The following PPP3CA variants were observed in gnomAD, a reference collection of about 807,000 sequenced individuals.
PPP3CA encodes CAM-PRP catalytic subunit.
A neutral mutation model predicts 66.5 loss-of-function variants in PPP3CA; 14 were observed. That is an observed-to-expected ratio of 0.21 (90% confidence interval 0.14 to 0.33). PPP3CA has a LOEUF of 0.33. Ranked by LOEUF, PPP3CA falls within the 10% of genes least tolerant of loss-of-function variation. The probability of loss-of-function intolerance (pLI) is 1.00; values close to 1 mark genes in which losing one functional copy is unlikely to be tolerated. For synonymous variants in PPP3CA, 232 were observed against 226.2 expected, an observed-to-expected ratio of 1.03 and a Z score of -0.23; for missense variants, 317 against 639.5, an observed-to-expected ratio of 0.50 and a Z score of 5.44.
intron 2 of PPP3CA, among the ~76,000 whole-genome samples, chr4:101,149,729 A>G (rs996893872): frequency 1.3e-5 from 2 of 152,180 alleles, no homozygotes; most frequent in African/African-American, 2.4e-5. Context: ...TTGTTAAATT[A>G]TAATTTAGAC....
chr4:101,331,926 G>C (rs1346994161), intron 1 of PPP3CA, among the ~76,000 whole-genome samples: 1 of 152,134 alleles, frequency 6.6e-6, no homozygotes, highest in Non-Finnish European at 1.5e-5. Context: ...CCACCAAGTA[G>C]GTATCGGCAT....
intron 1 of PPP3CA, among the ~76,000 whole-genome samples, chr4:101,257,988 A>T (rs1176183482): frequency 1.3e-5 from 2 of 152,090 alleles, no homozygotes; most frequent in East Asian, 3.9e-4. Context: ...AACGTAAAAA[A>T]ATTCCCTGAA....
intron 11 of PPP3CA, among the ~76,000 whole-genome samples, chr4:101,033,554 G>T (rs887323912): frequency 1.3e-5 from 2 of 151,970 alleles, no homozygotes; most frequent in Non-Finnish European, 2.9e-5. Context: ...AAAAATTGAG[G>T]GCTCTACTCT....
At chr4:101,077,535 A>AAT (rs1379331460) in intron 8 of PPP3CA, among the ~76,000 whole-genome samples, 1 of 152,204 alleles carries the variant, frequency 6.6e-6, no homozygotes, top group Non-Finnish European at 1.5e-5. Flanking sequence ...TTTAGCAGTG[A>AAT]ATAATTGACT....
At chr4:101,043,272 A>G (rs1459089125) in intron 10 of PPP3CA, among the ~76,000 whole-genome samples, 2 of 152,148 alleles carry the variant, frequency 1.3e-5, no homozygotes, top group African/African-American at 2.4e-5. Flanking sequence ...TGTAAAAATC[A>G]TAACTACAGC....
intron 1 of PPP3CA, among the ~76,000 whole-genome samples, chr4:101,198,990 G>A (rs1289037455): frequency 2.0e-5 from 3 of 152,126 alleles, no homozygotes; most frequent in Non-Finnish European, 4.4e-5. Flanking sequence ...TTAAACAGAT[G>A]GCAAAGCCTG....
intron 1 of PPP3CA, among the ~76,000 whole-genome samples, chr4:101,203,270 G>A (rs1192031347): frequency 6.6e-6 from 1 of 152,162 alleles, no homozygotes; most frequent in Non-Finnish European, 1.5e-5. Flanking sequence ...GCCGAGGTGG[G>A]CGGATCACGA....
chr4:101,070,776 C>T (rs1390674011), intron 8 of PPP3CA, among the ~76,000 whole-genome samples: 1 of 152,098 alleles, frequency 6.6e-6, no homozygotes, highest in South Asian at 2.1e-4. Flanking sequence ...ATGTGTTATA[C>T]CTACATACTA....
chr4:101,183,103 C>A (rs1434122990), intron 2 of PPP3CA, among the ~76,000 whole-genome samples: 3 of 152,104 alleles, frequency 2.0e-5, no homozygotes, highest in Non-Finnish European at 4.4e-5. Flanking sequence ...CCAGCTATAA[C>A]AATAGCTTAA....
chr4:101,306,823 A>AT (rs548946985), intron 1 of PPP3CA, among the ~76,000 whole-genome samples: 71 of 151,570 alleles, frequency 4.7e-4, no homozygotes, highest in Middle Eastern at 3.4e-3. Flanking sequence ...GTATACTCTG[A>AT]TTTTTTTTTG....
chr4:101,044,645 C>T (rs1578399517), intron 10 of PPP3CA, among the ~76,000 whole-genome samples: 1 of 151,970 alleles, frequency 6.6e-6, no homozygotes, highest in African/African-American at 2.4e-5. Context: ...TTTGGCCTCT[C>T]CTTTCACCTT....
intron 11 of PPP3CA, among the ~76,000 whole-genome samples, chr4:101,039,724 T>C (rs771508500): frequency 1.4e-5 from 2 of 143,640 alleles, no homozygotes; most frequent in Non-Finnish European, 1.6e-5. Context: ...TGAGAAAGAG[T>C]TGGGGCAAAA....
chr4:101,214,805 T>C (rs771368465), intron 1 of PPP3CA, among the ~76,000 whole-genome samples: 4 of 152,086 alleles, frequency 2.6e-5, no homozygotes, highest in Non-Finnish European at 2.9e-5. Flanking sequence ...GTTATGAAAG[T>C]CTTATTTTGA....
chr4:101,042,410 C>T (rs779635984), intron 10 of PPP3CA, among the ~76,000 whole-genome samples: 1 of 152,116 alleles, frequency 6.6e-6, no homozygotes, highest in Non-Finnish European at 1.5e-5. Flanking sequence ...GGCAACTATG[C>T]CATGGCAGGC....
intron 6 of PPP3CA, among the ~76,000 whole-genome samples, chr4:101,089,834 T>A (rs1239428298): frequency 6.6e-6 from 1 of 152,220 alleles, no homozygotes; most frequent in South Asian, 2.1e-4. Flanking sequence ...ATCTTATGGA[T>A]TCTTTCCTCT....
chr4:101,101,636 T>C (rs1578446932), intron 3 of PPP3CA, among the ~76,000 whole-genome samples: 1 of 151,634 alleles, frequency 6.6e-6, no homozygotes, highest in African/African-American at 2.4e-5. Context: ...TTTTTAAAGT[T>C]TTTTTTTTCT....
At chr4:101,216,494 C>T (rs976456125) in intron 1 of PPP3CA, among the ~76,000 whole-genome samples, 1 of 152,072 alleles carries the variant, frequency 6.6e-6, no homozygotes, top group Non-Finnish European at 1.5e-5. Flanking sequence ...TGTAGAACTG[C>T]TCAATTGCTA....
chr4:101,050,218 A>G (rs1011849125), intron 10 of PPP3CA, among the ~76,000 whole-genome samples: 3 of 152,130 alleles, frequency 2.0e-5, no homozygotes, highest in Admixed American at 1.3e-4. Context: ...GACGCATAGT[A>G]AAGTAGAGCA....
intron 2 of PPP3CA, among the ~76,000 whole-genome samples, chr4:101,110,637 T>G (rs1262823784): frequency 1.3e-5 from 2 of 152,238 alleles, no homozygotes; most frequent in African/African-American, 4.8e-5. Context: ...TTCTTCCATT[T>G]TTGAAAAAAT....
Sources: gnomAD v4.1 joint callset for allele counts (sites outside exome capture counted in the v4.1 genomes callset) on GRCh38, gnomAD v4.1.1 for gene constraint, MANE v1.5 for transcripts, NCBI Gene and HGNC (gene_info 2026-07-23, HGNC 2026-07-21) for gene names.